PTPN2: variants seen among roughly 807,000 people sequenced by gnomAD.
The protein encoded by PTPN2 is protein tyrosine phosphatase non-receptor type 2, also known as tyrosine-protein phosphatase non-receptor type 2.
A neutral mutation model predicts 57.3 loss-of-function variants in PTPN2; 19 were observed. The ratio of observed to expected loss-of-function variants is 0.33; its 90% CI spans 0.23 to 0.49. The LOEUF is 0.49. Ranked by LOEUF, PTPN2 falls within the 20% of genes least tolerant of loss-of-function variation. The probability of loss-of-function intolerance (pLI) is 0.99; values close to 1 mark genes in which losing one functional copy is unlikely to be tolerated. For synonymous variants in PTPN2, 153 were observed against 164.9 expected (o/e 0.93, Z 0.55); for missense variants, 358 against 501.1 (o/e 0.71, Z 2.73).
rs1009990192 is a variant in PTPN2 at position 12,815,472 on chromosome 18, G to C, written c.706-1117C>G. On this transcript the variant is annotated intron_variant, in intron 6 of 8. Coordinates refer to ENST00000309660, the MANE Select transcript of PTPN2 (RefSeq NM_002828.4). The stretch of plus-strand genomic sequence containing the variant: ...TAAAATGAAGAAAGACGGTGGAAAA[G>C]ACAGCAAAAGCCCAGATCCACGATA... Among the ~76,000 whole-genome samples the C allele has an allele frequency of 4.6e-5, 7 of 151,978 alleles. No homozygotes were observed. The East Asian group carries it at 9.6e-4, about 21-fold the overall frequency.
At position 12,810,820 on chromosome 18, in the gene PTPN2, C is replaced by A. The variant is rs751358240; in HGVS notation, c.858+3383G>T. On this transcript the variant is annotated intron_variant, in intron 7 of 8. Coordinates refer to ENST00000309660, the MANE Select transcript of PTPN2 (RefSeq NM_002828.4). ...GGACTTCATGAGTAGTGGGGTAGAACTGAAAATCCTGAGCCCTAAGAGGGC... is the reference window on the plus strand; with the variant it reads ...GGACTTCATGAGTAGTGGGGTAGAAATGAAAATCCTGAGCCCTAAGAGGGC... 7.0e-4 allele frequency among the ~76,000 whole-genome samples: 106 copies of A among 152,254 alleles called. 1 individual carries two copies. The highest frequency in any genetic ancestry group is 2.5e-3 in the African/African-American group (104 of 41,538).
At chr18:12,854,866 G>C (rs550786089) in intron 2 of PTPN2, among the ~76,000 whole-genome samples, 1 of 152,238 alleles carries the variant, frequency 6.6e-6, no homozygotes, top group Non-Finnish European at 1.5e-5. Context: ...AAAAGGCACG[G>C]TCGGCTGGGC....
chr18:12,817,098 G>A, intron 6 of PTPN2, 58 bp downstream of exon 6: 1 of 1,493,122 alleles, frequency 6.7e-7, no homozygotes, highest in Non-Finnish European at 9.2e-7. Flanking sequence ...ACTGCCAGTG[G>A]AAGCAATTTA....
intron 1 of PTPN2, among the ~76,000 whole-genome samples, chr18:12,880,117 C>A (rs1337730960): frequency 1.3e-5 from 2 of 152,068 alleles, no homozygotes; most frequent in Non-Finnish European, 2.9e-5. Context: ...GAAGGCCTGC[C>A]AAGGAAGTGA....
At chr18:12,882,844 A>G (rs1221446948) in intron 1 of PTPN2, among the ~76,000 whole-genome samples, 4 of 152,256 alleles carry the variant, frequency 2.6e-5, no homozygotes, top group Non-Finnish European at 5.9e-5. Context: ...ATCCATTTAC[A>G]GGAAAGCCCG....
intron 2 of PTPN2, among the ~76,000 whole-genome samples, chr18:12,837,188 C>T (rs1035747111): frequency 6.6e-6 from 1 of 152,050 alleles, no homozygotes; most frequent in South Asian, 2.1e-4. Context: ...AAGTACTTAC[C>T]TTCCTAAAAG....
intron 1 of PTPN2, among the ~76,000 whole-genome samples, chr18:12,873,444 T>A (rs1304675538): frequency 6.6e-6 from 1 of 152,210 alleles, no homozygotes. Flanking sequence ...CGCGCCGCCA[T>A]GCCTGACTGG....
chr18:12,847,808 G>A (rs2043263791), intron 2 of PTPN2, among the ~76,000 whole-genome samples: 2 of 151,088 alleles, frequency 1.3e-5, no homozygotes, highest in Non-Finnish European at 1.5e-5. Context: ...TTTTAGTAGA[G>A]ACGGGGTTTC....
At chr18:12,846,123 T>C (rs1239291244) in intron 2 of PTPN2, among the ~76,000 whole-genome samples, 3 of 152,256 alleles carry the variant, frequency 2.0e-5, no homozygotes, top group Admixed American at 6.5e-5. Context: ...CTCAGAAAGA[T>C]GCTAAGTATT....
At chr18:12,862,766 A>C (rs1199517481) in intron 1 of PTPN2, 1 of 152,162 alleles carries the variant, frequency 6.6e-6, no homozygotes, top group Non-Finnish European at 1.5e-5. Context: ...AAGCAGAAAT[A>C]CCAGCATTGA....
intron 8 of PTPN2, among the ~76,000 whole-genome samples, chr18:12,795,052 T>C (rs1399306090): frequency 6.6e-6 from 1 of 152,222 alleles, no homozygotes; most frequent in Non-Finnish European, 1.5e-5. Context: ...ACACGTGAAT[T>C]GATGACTGTT....
chr18:12,813,473 C>T (rs1489496862), intron 7 of PTPN2, among the ~76,000 whole-genome samples: 2 of 152,184 alleles, frequency 1.3e-5, no homozygotes, highest in Non-Finnish European at 2.9e-5. Flanking sequence ...TTTATTCTGA[C>T]ACCAATGGTC....
intron 2 of PTPN2, among the ~76,000 whole-genome samples, chr18:12,838,791 T>G (rs531217279): frequency 6.6e-6 from 1 of 152,300 alleles, no homozygotes; most frequent in Non-Finnish European, 1.5e-5. Context: ...TATTTGAGCC[T>G]GTATTTTCTT....
intron 6 of PTPN2, among the ~76,000 whole-genome samples, chr18:12,816,638 C>T (rs1194038881): frequency 1.3e-5 from 2 of 152,146 alleles, no homozygotes; most frequent in East Asian, 1.9e-4. Flanking sequence ...AAGAATTAGC[C>T]GTTGGGGGCA....
chr18:12,791,733 C>T (rs2040987274), downstream of PTPN2, among the ~76,000 whole-genome samples: 1 of 152,184 alleles, frequency 6.6e-6, no homozygotes, highest in South Asian at 2.1e-4. Flanking sequence ...AAGTGTTCAT[C>T]ACACTGAATG....
intron 4 of PTPN2, among the ~76,000 whole-genome samples, chr18:12,826,575 T>C (rs1340531805): frequency 6.6e-6 from 1 of 152,160 alleles, no homozygotes; most frequent in Non-Finnish European, 1.5e-5. Context: ...CCATAGGCTT[T>C]TCTTTTCTTT....
intron 1 of PTPN2, among the ~76,000 whole-genome samples, chr18:12,876,875 A>T (rs190477398): frequency 6.6e-6 from 1 of 152,312 alleles, no homozygotes; most frequent in Non-Finnish European, 1.5e-5. Flanking sequence ...TACCTATTAT[A>T]ACACATCCAC....
chr18:12,825,259 T>G (rs971076985), intron 5 of PTPN2, among the ~76,000 whole-genome samples: 4 of 152,244 alleles, frequency 2.6e-5, no homozygotes, highest in Non-Finnish European at 5.9e-5. Context: ...ATTTTTGTGT[T>G]GTGAATCACT....
At chr18:12,796,712 C>G (rs1018108152) in intron 8 of PTPN2, among the ~76,000 whole-genome samples, 10 of 152,146 alleles carry the variant, frequency 6.6e-5, no homozygotes, top group Admixed American at 5.2e-4. Flanking sequence ...TTGTTCTTGC[C>G]GTTTTTTTGC....
Sources: allele counts gnomAD v4.1 joint callset (sites outside exome capture counted in the v4.1 genomes callset), GRCh38; gene constraint gnomAD v4.1.1; transcripts MANE v1.5; gene names NCBI Gene and HGNC (gene_info 2026-07-23, HGNC 2026-07-21).